TBL1XR1: variants seen among roughly 807,000 people sequenced by gnomAD.
TBL1XR1 encodes TBL1X/Y related 1.
TBL1XR1 carries 5 observed loss-of-function variants against 66.9 expected under a neutral mutation model. The ratio of observed to expected loss-of-function variants is 0.07; its 90% CI spans 0.04 to 0.16. TBL1XR1 has a LOEUF of 0.16. TBL1XR1 is among the 10% of genes least tolerant of loss of function. The pLI, the probability that TBL1XR1 is intolerant of heterozygous loss-of-function variation, is 1.00. For synonymous variants in TBL1XR1, 210 were observed against 206.0 expected (o/e 1.02, Z -0.17); for missense variants, 238 against 623.2 (o/e 0.38, Z 6.58).
At chr3:177,165,019 T>C (rs543171721) in intron 1 of TBL1XR1, among the ~76,000 whole-genome samples, 2 of 152,314 alleles carry the variant, frequency 1.3e-5, no homozygotes, top group East Asian at 1.9e-4. Context: ...TTAACCTTAA[T>C]GCCTTCCTTC....
At chr3:177,107,186 AAT>A (rs1357090486) in intron 1 of TBL1XR1, among the ~76,000 whole-genome samples, 1 of 152,212 alleles carries the variant, frequency 6.6e-6, no homozygotes, top group Non-Finnish European at 1.5e-5. Context: ...ACACACAAAA[AAT>A]ATACACACTT....
Position 177,164,720 on chromosome 3 carries a change from A to G in TBL1XR1, c.-122+32401T>C, listed in dbSNP as rs573295742. Among the ~76,000 whole-genome samples, 7 of 152,320 alleles carry G rather than the reference A, an allele frequency of 4.6e-5. No homozygotes were observed. In the South Asian group the frequency reaches 1.5e-3, roughly 32 times the overall value. On this transcript the variant is annotated intron_variant, in intron 1 of 15. Transcript: ENST00000457928. ...AATGGAAAGATGTCTCATGTTCACG[A>G]ACTGAAAGAATATTGTTAAAATGTC...
At chr3:177,104,942 A>T (rs1166179355) in intron 1 of TBL1XR1, among the ~76,000 whole-genome samples, 1 of 152,200 alleles carries the variant, frequency 6.6e-6, no homozygotes, top group East Asian at 1.9e-4. Context: ...CTCTCTTACA[A>T]TGACCCACAG....
chr3:177,120,207 C>T (rs1726823016), intron 1 of TBL1XR1, among the ~76,000 whole-genome samples: 1 of 151,976 alleles, frequency 6.6e-6, no homozygotes, highest in African/African-American at 2.4e-5. Context: ...TTCGGCATTC[C>T]TGTTCTAATG....
At chr3:177,081,628 C>T (rs1721401272) in intron 2 of TBL1XR1, among the ~76,000 whole-genome samples, 1 of 151,590 alleles carries the variant, frequency 6.6e-6, no homozygotes, top group Non-Finnish European at 1.5e-5. Context: ...GTCCTAACTA[C>T]TCAGGAGGGT....
chr3:177,069,504 C>G (rs1470356937), intron 2 of TBL1XR1, among the ~76,000 whole-genome samples: 1 of 151,898 alleles, frequency 6.6e-6, no homozygotes, highest in Non-Finnish European at 1.5e-5. Context: ...GAGGCCAAGG[C>G]AGGCAGATCA....
chr3:177,066,326 G>C (rs892446625), intron 2 of TBL1XR1, among the ~76,000 whole-genome samples: 1 of 152,148 alleles, frequency 6.6e-6, no homozygotes, highest in Non-Finnish European at 1.5e-5. Context: ...ACACACAGAA[G>C]AAGCCCTAAC....
At chr3:177,085,408 T>C (rs1473501521) in intron 2 of TBL1XR1, among the ~76,000 whole-genome samples, 1 of 152,202 alleles carries the variant, frequency 6.6e-6, no homozygotes, top group Non-Finnish European at 1.5e-5. Flanking sequence ...TGTTAATTGC[T>C]TGCTTTCATT....
chr3:177,142,649 T>C (rs749387741), intron 1 of TBL1XR1, among the ~76,000 whole-genome samples: 3 of 152,190 alleles, frequency 2.0e-5, no homozygotes, highest in Admixed American at 6.5e-5. Context: ...ACAGTTAATA[T>C]AGTAAATTTT....
Position 177,073,433 on chromosome 3 carries a change from T to C in TBL1XR1, c.-45-8411A>G, listed in dbSNP as rs141376166. Among the ~76,000 whole-genome samples, 10 of 152,286 alleles carry C rather than the reference T, an allele frequency of 6.6e-5. No individual in the cohort carries two copies. In the East Asian group the frequency reaches 1.9e-3, roughly 29 times the overall value. ...AAAAAAGGTACTTAAAAGCCATAAATATCAGAGTATCAAAGCTCTAGTTTT... is the reference window on the plus strand; with the variant it reads ...AAAAAAGGTACTTAAAAGCCATAAACATCAGAGTATCAAAGCTCTAGTTTT... On this transcript the variant is annotated intron_variant, in intron 2 of 15. Coordinates refer to ENST00000457928, the MANE Select transcript of TBL1XR1 (RefSeq NM_024665.7).
intron 2 of TBL1XR1, among the ~76,000 whole-genome samples, chr3:177,089,660 C>A (rs1722582984): frequency 6.6e-6 from 1 of 152,162 alleles, no homozygotes; most frequent in South Asian, 2.1e-4. Flanking sequence ...TCATTCTATT[C>A]TTTGTGGAAG....
At chr3:177,097,385 G>C (rs1723633651) in intron 2 of TBL1XR1, among the ~76,000 whole-genome samples, 1 of 151,862 alleles carries the variant, frequency 6.6e-6, no homozygotes, top group African/African-American at 2.4e-5. Context: ...TTTTTTTTAA[G>C]AGAGAATCAC....
intron 2 of TBL1XR1, among the ~76,000 whole-genome samples, chr3:177,081,348 A>G (rs988725718): frequency 1.1e-4 from 16 of 152,242 alleles, no homozygotes. Flanking sequence ...TCACATGGAT[A>G]TACAGATAAC....
chr3:177,034,597 T>G (rs1027656470), intron 12 of TBL1XR1, among the ~76,000 whole-genome samples: 3 of 152,140 alleles, frequency 2.0e-5, no homozygotes, highest in Non-Finnish European at 4.4e-5. Flanking sequence ...GTTCTGAGAT[T>G]AGTTAACGAT....
chr3:177,115,583 A>AC (rs747736269), intron 1 of TBL1XR1, among the ~76,000 whole-genome samples: 5 of 150,436 alleles, frequency 3.3e-5, no homozygotes, highest in Admixed American at 6.6e-5. Context: ...CTGCCTACTG[A>AC]CCCCCCTTCA....
chr3:177,057,735 T>C (rs575901350), intron 3 of TBL1XR1, among the ~76,000 whole-genome samples: 2 of 152,148 alleles, frequency 1.3e-5, no homozygotes, highest in Non-Finnish European at 2.9e-5. Flanking sequence ...CCATCTAAAA[T>C]AGCATCCCTT....
intron 1 of TBL1XR1, among the ~76,000 whole-genome samples, chr3:177,157,541 T>G (rs1266268583): frequency 6.6e-6 from 1 of 152,196 alleles, no homozygotes; most frequent in Non-Finnish European, 1.5e-5. Flanking sequence ...CCTTGCTGGT[T>G]TAAATGAGGA....
chr3:177,158,097 A>C (rs938033937), intron 1 of TBL1XR1, among the ~76,000 whole-genome samples: 2 of 152,168 alleles, frequency 1.3e-5, no homozygotes, highest in Non-Finnish European at 2.9e-5. Context: ...GGTAGTTTTC[A>C]ATAAAACAAT....
chr3:177,174,408 C>CAAAAAAAA (rs59132617), intron 1 of TBL1XR1, among the ~76,000 whole-genome samples: 2 of 58,302 alleles, frequency 3.4e-5, no homozygotes, highest in Admixed American at 2.6e-4. Context: ...GACTCCATCT[C>CAAAAAAAA]AAAAAAAAAA....
Sources: gnomAD v4.1 joint callset for allele counts (sites outside exome capture counted in the v4.1 genomes callset) on GRCh38, gnomAD v4.1.1 for gene constraint, MANE v1.5 for transcripts, NCBI Gene and HGNC (gene_info 2026-07-23, HGNC 2026-07-21) for gene names.